The following MTFR1 variants were observed in gnomAD, a reference collection of about 807,000 sequenced individuals.
The protein encoded by MTFR1 is chondrocyte protein with a poly-proline region.
In MTFR1, 28 loss-of-function variants were observed where a neutral mutation model predicts 38.8. The ratio of observed to expected loss-of-function variants is 0.72; its 90% CI spans 0.53 to 0.99. The LOEUF (loss-of-function observed/expected upper bound fraction) is 0.99, where lower values mean the gene tolerates loss of function less well. Among genes scored for constraint, MTFR1 ranks in the 50% least tolerant of loss-of-function variants. The pLI is 0.00. For missense variants in MTFR1, 358 were observed against 395.5 expected (o/e 0.91, Z 0.81); for synonymous variants, 145 against 137.0 (o/e 1.06, Z -0.41).
At chr8:65,669,321 A>G (rs565330227) in intron 1 of MTFR1, among the ~76,000 whole-genome samples, 53 of 152,272 alleles carry the variant, frequency 3.5e-4, no homozygotes, top group Non-Finnish European at 6.0e-4. Context: ...TGCAGTTTTG[A>G]ACGTCCTTGG....
At chr8:65,767,975 G>A (rs1358841710) in intron 3 of MTFR1, among the ~76,000 whole-genome samples, 2 of 152,116 alleles carry the variant, frequency 1.3e-5, no homozygotes, top group Non-Finnish European at 2.9e-5. Flanking sequence ...TTTGGGGGCT[G>A]GGAGGCAGGT....
intron 3 of MTFR1, among the ~76,000 whole-genome samples, chr8:65,743,064 G>C (rs1807512878): frequency 6.6e-6 from 1 of 152,126 alleles, no homozygotes; most frequent in Admixed American, 6.6e-5. Flanking sequence ...ATTTGGAGAA[G>C]AACAATCAAC....
At chr8:65,768,660 A>C (rs1808921877) in intron 3 of MTFR1, among the ~76,000 whole-genome samples, 1 of 152,228 alleles carries the variant, frequency 6.6e-6, no homozygotes, top group African/African-American at 2.4e-5. Context: ...TTTTAATCAC[A>C]AAATAGAACA....
chr8:65,775,348 G>C (rs545147018), downstream of MTFR1, among the ~76,000 whole-genome samples: 1 of 152,172 alleles, frequency 6.6e-6, no homozygotes, highest in East Asian at 1.9e-4. Context: ...CTAATTTCTT[G>C]AGTTGGACTA....
chr8:65,699,580 C>G (rs1210501664), intron 4 of MTFR1, among the ~76,000 whole-genome samples: 4 of 152,168 alleles, frequency 2.6e-5, no homozygotes, highest in African/African-American at 9.7e-5. Flanking sequence ...CCCACAGAGC[C>G]TGTAGCTGCA....
chr8:65,653,535 GA>G (rs992867436), intron 1 of MTFR1, among the ~76,000 whole-genome samples: 1 of 151,464 alleles, frequency 6.6e-6, no homozygotes, highest in South Asian at 2.1e-4. Context: ...AAGAAAGAAA[GA>G]AAAAAACAGT....
chr8:65,668,230 T>C (rs964035357), intron 1 of MTFR1, among the ~76,000 whole-genome samples: 1 of 147,660 alleles, frequency 6.8e-6, no homozygotes, highest in African/African-American at 2.5e-5. Flanking sequence ...CAGGCTAGAG[T>C]GTAGTGGCGT....
chr8:65,756,514 T>TGC (rs1199552750), intron 3 of MTFR1, among the ~76,000 whole-genome samples: 1 of 152,190 alleles, frequency 6.6e-6, no homozygotes, highest in Non-Finnish European at 1.5e-5. Context: ...TACTTCCCCC[T>TGC]GCTCAAAGGT....
chr8:65,769,279 G>A (rs1414455780), intron 3 of MTFR1, among the ~76,000 whole-genome samples: 1 of 148,154 alleles, frequency 6.7e-6, no homozygotes, highest in Non-Finnish European at 1.5e-5. Context: ...AGTAACAGAT[G>A]CATGCACATA....
chr8:65,758,983 C>T (rs552387692), intron 3 of MTFR1, among the ~76,000 whole-genome samples: 1 of 152,196 alleles, frequency 6.6e-6, no homozygotes, highest in East Asian at 1.9e-4. Flanking sequence ...CTGTTCTTAC[C>T]GTCATTATGT....
At chr8:65,708,293 C>T in intron 7 of MTFR1, 1 of 498,944 alleles carries the variant, frequency 2.0e-6, no homozygotes, top group Non-Finnish European at 3.6e-6. Context: ...AAAGTTAACC[C>T]CTGAGCTCAC....
rs370465891 is a variant in MTFR1 at position 65,747,690 on chromosome 8, G to C, written c.*49-23257G>C. On this transcript the variant is annotated intron_variant, in intron 3 of 3. Coordinates refer to the MTFR1 transcript ENST00000521247. ...TTATAATCATCATCTAAAATGTTTA[G>C]GGAATTTGAAACCGCAGTACCACGA... The C allele has an allele frequency of 5.6e-6, 9 of 1,611,236 alleles. No homozygotes were observed. The highest frequency in any genetic ancestry group is 7.6e-6 in the Non-Finnish European group (9 of 1,178,130).
intron 7 of MTFR1, 76 bp downstream of exon 7, chr8:65,708,087 G>GATTC (rs1225397417): frequency 6.2e-7 from 1 of 1,604,252 alleles, no homozygotes; most frequent in East Asian, 2.2e-5. Context: ...TTTTGCAAGT[G>GATTC]ATTCACCTGT....
intron 1 of MTFR1, among the ~76,000 whole-genome samples, chr8:65,648,858 T>C (rs1809039817): frequency 6.6e-6 from 1 of 152,164 alleles, no homozygotes; most frequent in Non-Finnish European, 1.5e-5. Context: ...GAGTCTTTCT[T>C]TGTTGCCAGG....
At chr8:65,666,811 A>G (rs1804393810) in intron 1 of MTFR1, among the ~76,000 whole-genome samples, 1 of 152,170 alleles carries the variant, frequency 6.6e-6, no homozygotes. Context: ...AATAAAGGAG[A>G]CTAAAAGCAT....
At chr8:65,718,235 T>C (rs910660209) in intron 2 of MTFR1, 2 of 152,222 alleles carry the variant, frequency 1.3e-5, no homozygotes, top group African/African-American at 4.8e-5. Context: ...TTCAAATCTT[T>C]GCCCACATGG....
intron 3 of MTFR1, among the ~76,000 whole-genome samples, chr8:65,736,541 C>A (rs1292507691): frequency 6.6e-6 from 1 of 152,032 alleles, no homozygotes; most frequent in African/African-American, 2.4e-5. Flanking sequence ...TTGCTTGAGG[C>A]CAGGAGTTTG....
At chr8:65,669,416 A>G (rs1804498145) in intron 1 of MTFR1, among the ~76,000 whole-genome samples, 1 of 152,198 alleles carries the variant, frequency 6.6e-6, no homozygotes, top group Non-Finnish European at 1.5e-5. Context: ...TAAATTAGCC[A>G]TACTAGGTTT....
chr8:65,734,248 C>T (rs990244605), intron 3 of MTFR1, among the ~76,000 whole-genome samples: 7 of 152,156 alleles, frequency 4.6e-5, no homozygotes, highest in Admixed American at 1.3e-4. Context: ...ACTTCTGTTT[C>T]TTTCCCCGAA....
Sources: allele counts gnomAD v4.1 joint callset (sites outside exome capture counted in the v4.1 genomes callset), GRCh38; gene constraint gnomAD v4.1.1; transcripts MANE v1.5; gene names NCBI Gene and HGNC (gene_info 2026-07-23, HGNC 2026-07-21).